The following SLIT2 variants were observed in gnomAD, a reference collection of about 807,000 sequenced individuals.
SLIT2 encodes slit homolog 2 protein.
SLIT2 carries 41 observed loss-of-function variants against 185.7 expected under a neutral mutation model. The observed-to-expected ratio is 0.22, with a 90% confidence interval of 0.17 to 0.29. The LOEUF is 0.29. SLIT2 is among the 10% of genes least tolerant of loss of function. The probability of loss-of-function intolerance (pLI) is 1.00; values close to 1 mark genes in which losing one functional copy is unlikely to be tolerated. For synonymous variants in SLIT2, 693 were observed against 680.2 expected (o/e 1.02, Z -0.29); for missense variants, 1,571 against 1,909.0 (o/e 0.82, Z 3.30).
Position 20,542,545 on chromosome 4 carries a change from C to A in SLIT2, c.2195C>A (p.Thr732Asn), listed in dbSNP as rs1374513548. Residue 732 changes from threonine (T) to asparagine (N), a missense_variant, in exon 21 of 37, where the codon ACT becomes AAT. Coordinates refer to ENST00000504154, the MANE Select transcript of SLIT2 (RefSeq NM_004787.4). Reference protein sequence around the residue: ...SPLSRCPTECTCLDTVVRCSN... With the variant: ...SPLSRCPTECNCLDTVVRCSN... The stretch of plus-strand genomic sequence containing the variant: ...CTTTCTCGCTGTCCTACTGAATGTA[C>A]TTGCTTGGATACAGTCGTCCGATGT... 6 of 1,613,578 alleles carry A rather than the reference C, an allele frequency of 3.7e-6. No individual in the cohort carries two copies. In the Admixed American group the frequency reaches 8.3e-5, roughly 22 times the overall value.
chr4:20,455,845 CT>C (rs1413418125), intron 4 of SLIT2, among the ~76,000 whole-genome samples: 1 of 152,080 alleles, frequency 6.6e-6, no homozygotes, highest in East Asian at 1.9e-4. Context: ...TTTTCTGTCT[CT>C]CGGCCATTTT....
At chr4:20,364,198 A>G in intron 4 of SLIT2, 1 of 833,236 alleles carries the variant, frequency 1.2e-6, no homozygotes, top group Non-Finnish European at 1.4e-6. Flanking sequence ...GGGATGGAGC[A>G]TTTGTGCCCT....
chr4:20,407,870 A>G (rs989060122), intron 4 of SLIT2, among the ~76,000 whole-genome samples: 8 of 152,156 alleles, frequency 5.3e-5, no homozygotes, highest in African/African-American at 1.4e-4. Context: ...AGGACCAAAG[A>G]TAATATCTAC....
intron 4 of SLIT2, among the ~76,000 whole-genome samples, chr4:20,373,020 T>C (rs939091495): frequency 6.6e-6 from 1 of 152,124 alleles, no homozygotes; most frequent in Non-Finnish European, 1.5e-5. Flanking sequence ...TTAGAAATCA[T>C]AGGAGTTAGA....
intron 33 of SLIT2, among the ~76,000 whole-genome samples, chr4:20,604,813 G>A (rs916838962): frequency 4.6e-5 from 7 of 151,496 alleles, no homozygotes; most frequent in South Asian, 4.2e-4. Flanking sequence ...ATTCCAAAGC[G>A]TGGAATATGT....
chr4:20,344,436 C>T (rs1388009013), intron 4 of SLIT2, among the ~76,000 whole-genome samples: 3 of 152,062 alleles, frequency 2.0e-5, no homozygotes, highest in Admixed American at 2.0e-4. Flanking sequence ...CTCTCGGTCT[C>T]TCTCTTTCAT....
chr4:20,318,390 G>A (rs1291896472), intron 4 of SLIT2, among the ~76,000 whole-genome samples: 1 of 152,096 alleles, frequency 6.6e-6, no homozygotes, highest in Non-Finnish European at 1.5e-5. Context: ...AGCATATGTT[G>A]AACTTCATCA....
intron 11 of SLIT2, among the ~76,000 whole-genome samples, chr4:20,518,857 C>T (rs1158310249): frequency 1.3e-5 from 2 of 151,150 alleles, no homozygotes; most frequent in East Asian, 2.0e-4. Flanking sequence ...CCGCCCGCCT[C>T]GGCCTCCCAA....
chr4:20,291,348 G>A (rs1206051582), intron 4 of SLIT2, among the ~76,000 whole-genome samples: 2 of 149,994 alleles, frequency 1.3e-5, no homozygotes, highest in Non-Finnish European at 1.5e-5. Flanking sequence ...ATTGCAGATT[G>A]CACACTACAT....
intron 7 of SLIT2, among the ~76,000 whole-genome samples, chr4:20,488,314 T>G (rs950109648): frequency 2.0e-5 from 3 of 152,188 alleles, no homozygotes; most frequent in Non-Finnish European, 4.4e-5. Flanking sequence ...AAAAAGTGTT[T>G]TATATTGAAT....
At chr4:20,368,825 G>A in intron 4 of SLIT2, among the ~76,000 whole-genome samples, 1 of 152,038 alleles carries the variant, frequency 6.6e-6, no homozygotes. Flanking sequence ...TCAGGACCCT[G>A]TGCACTTACA....
chr4:20,357,329 C>G (rs930322130), intron 4 of SLIT2, among the ~76,000 whole-genome samples: 6 of 152,028 alleles, frequency 3.9e-5, no homozygotes, highest in Admixed American at 3.9e-4. Flanking sequence ...TTTGTTAGTC[C>G]TAAGAGGCTT....
At position 20,566,875 on chromosome 4, in the gene SLIT2, C is replaced by T. The variant is rs144944097; in HGVS notation, c.2726-387C>T. Among the ~76,000 whole-genome samples the T allele has an allele frequency of 2.6e-3, 403 of 152,138 alleles. 4 individuals are homozygous for T. Among genetic ancestry groups the T allele is most frequent in the African/African-American group, 9.0e-3 (374 of 41,534 alleles). On this transcript the variant is annotated intron_variant, in intron 26 of 36. Transcript: ENST00000504154. ...GCTCACCCCACACCACACCCACACA[C>T]GTAGTCTTCTCTGGGACTGACAATA...
chr4:20,575,718 C>T (rs184176946), intron 29 of SLIT2, among the ~76,000 whole-genome samples: 2 of 152,174 alleles, frequency 1.3e-5, no homozygotes, highest in South Asian at 2.1e-4. Context: ...CTCTTCAGCT[C>T]GCTGTGCACA....
chr4:20,531,317 A>G (rs73801860), intron 16 of SLIT2, among the ~76,000 whole-genome samples: 2,311 of 152,340 alleles, frequency 0.015, 68 homozygotes, highest in African/African-American at 0.052. Flanking sequence ...GCACTGCCAT[A>G]TGCTACAACA....
intron 19 of SLIT2, among the ~76,000 whole-genome samples, chr4:20,540,183 G>T (rs1176754792): frequency 1.3e-5 from 2 of 152,064 alleles, no homozygotes; most frequent in Non-Finnish European, 2.9e-5. Context: ...AGCTACTCGG[G>T]AGGGTGAGGC....
In SLIT2 at chr4:20,253,188, G is replaced by C. The variant is rs1722173501; in HGVS notation, c.-628G>C. The C allele has an allele frequency of 6.5e-6, 1 of 154,292 alleles. No individual in the cohort carries two copies. The highest frequency in any genetic ancestry group is 2.0e-4 in the South Asian group (1 of 4,894). The allele number at this position is 154,292 out of a possible 1,614,324, so 9.6% of individuals were successfully genotyped here. On this transcript the variant is annotated 5_prime_UTR_variant, in exon 1 of 37. The change abolishes the stop of an existing upstream ORF in the 5' untranslated region. Coordinates refer to ENST00000504154, the MANE Select transcript of SLIT2 (RefSeq NM_004787.4). The stretch of plus-strand genomic sequence containing the variant: ...AGGGCGAGGGAGAGGCCGCGTGAGT[G>C]AGCAGAGTCCAGAGCCGTGCGCCCC...
intron 3 of SLIT2, among the ~76,000 whole-genome samples, chr4:20,265,654 C>A (rs1456419424): frequency 1.3e-5 from 2 of 151,464 alleles, no homozygotes; most frequent in Admixed American, 1.3e-4. Flanking sequence ...TATATATTTT[C>A]AGTTTTTTTT....
chr4:20,593,589 A>G (rs1727686617), intron 30 of SLIT2, among the ~76,000 whole-genome samples: 2 of 152,114 alleles, frequency 1.3e-5, no homozygotes, highest in East Asian at 1.9e-4. Flanking sequence ...ACTGTATTAT[A>G]TACTTGAAAT....
Sources: allele counts gnomAD v4.1 joint callset (sites outside exome capture counted in the v4.1 genomes callset), GRCh38; gene constraint gnomAD v4.1.1; transcripts MANE v1.5; gene names NCBI Gene and HGNC (gene_info 2026-07-23, HGNC 2026-07-21).